The following CENPF variants were observed in gnomAD, a reference collection of about 807,000 sequenced individuals.
CENPF encodes the protein AH antigen.
A neutral mutation model predicts 307.3 loss-of-function variants in CENPF; 214 were observed. The observed-to-expected ratio is 0.70, with a 90% CI of 0.62 to 0.78. The LOEUF (loss-of-function observed/expected upper bound fraction) is 0.78, where lower values mean the gene tolerates loss of function less well. Among genes scored for constraint, CENPF ranks in the 30% least tolerant of loss-of-function variants. The pLI is 0.00. For missense variants in CENPF, 3,401 were observed against 3,483.9 expected, an observed-to-expected ratio of 0.98 and a Z score of 0.60; for synonymous variants, 1,259 against 1,270.6, an observed-to-expected ratio of 0.99 and a Z score of 0.19.
intron 7 of CENPF, among the ~76,000 whole-genome samples, chr1:214,624,051 A>T (rs548464142): frequency 6.6e-6 from 1 of 152,324 alleles, no homozygotes; most frequent in East Asian, 1.9e-4. Context: ...TGTACAAAAT[A>T]ATAGCTTGTT....
chr1:214,638,841 G>T (rs1658030377), intron 11 of CENPF, among the ~76,000 whole-genome samples: 1 of 152,180 alleles, frequency 6.6e-6, no homozygotes, highest in East Asian at 1.9e-4. Flanking sequence ...ATCTTCCCAA[G>T]ACAGCTTTTA....
Position 214,651,838 on chromosome 1 carries a change from T to C in CENPF, c.8112T>C (p.His2704=). ...TAGCTGAATATCAGCTACGGCTTCA[T>C]GAAGCTGAAAAGAAACACCAGGCTT... ...EEIAEYQLRL[H]EAEKKHQALL... The change falls in exon 15 of 20, where the codon CAT becomes CAC. Residue 2704 remains histidine (H), a synonymous_variant. Transcript: ENST00000366955. 2.5e-6 allele frequency: 4 copies of C among 1,610,916 alleles called. No individual in the cohort carries two copies. Among genetic ancestry groups the C allele is most frequent in the Non-Finnish European group, 2.5e-6 (3 of 1,179,300 alleles).
In CENPF at chr1:214,642,354, T is replaced by A. The variant is rs754500788; in HGVS notation, c.4016T>A (p.Val1339Glu). 21 of 1,612,964 alleles carry A rather than the reference T, an allele frequency of 1.3e-5. No homozygotes were observed. The highest frequency in any genetic ancestry group is 1.8e-5 in the Non-Finnish European group (21 of 1,179,654). Residue 1339 changes from valine to glutamate, a missense_variant, in exon 12 of 20, where the codon GTA (valine) becomes GAA (glutamate). Transcript: ENST00000366955. Reference protein sequence around the residue: ...ITATRKMAEEVGKLLNEVKIL... With the variant: ...ITATRKMAEEEGKLLNEVKIL... ...GCAACTAGGAAAATGGCAGAAGAGG[T>A]AGGGAAACTACTAAATGAAGTTAAA...
At chr1:214,621,161 G>T (rs1294215779) in intron 6 of CENPF, among the ~76,000 whole-genome samples, 2 of 152,196 alleles carry the variant, frequency 1.3e-5, no homozygotes, top group Admixed American at 6.5e-5. Flanking sequence ...TGAAAAGCTG[G>T]TGCCTGGAAG....
chr1:214,658,676 T>A (rs981871623), intron 18 of CENPF, among the ~76,000 whole-genome samples, 174 bp from the exon 19 acceptor site: 2 of 152,194 alleles, frequency 1.3e-5, no homozygotes, highest in Non-Finnish European at 2.9e-5. Context: ...GTTATTTGAT[T>A]CAATTTGGTG....
Position 214,632,549 on chromosome 1 carries a change from C to G in CENPF, c.1393C>G (p.Gln465Glu), listed in dbSNP as rs1375195812. 1 of 1,614,060 alleles carries G rather than the reference C, an allele frequency of 6.2e-7. No homozygotes were observed. The highest frequency in any genetic ancestry group is 1.1e-5 in the South Asian group (1 of 91,084). Residue 465 changes from glutamine to glutamate, a missense_variant, in exon 10 of 20, where the codon CAG (glutamine) becomes GAG (glutamate). Physicochemically the swap from Gln to Glu is conservative, Grantham distance 29. Transcript: ENST00000366955. The stretch of plus-strand genomic sequence containing the variant: ...TAAGCAAAAGTTGTGCAGAGCTGAA[C>G]AGGCGTTCCAGGCGAGTCAGATCAA... ...EFKQKLCRAEQAFQASQIKEN... is the reference protein window; with the variant it reads ...EFKQKLCRAEEAFQASQIKEN...
chr1:214,646,202 A>G lies in CENPF; in HGVS notation c.6632A>G (p.Glu2211Gly). 1 of 1,613,362 alleles carries G rather than the reference A, an allele frequency of 6.2e-7. No homozygotes were observed. Among genetic ancestry groups the G allele is most frequent in the Non-Finnish European group, 8.5e-7 (1 of 1,179,874 alleles). ...FELDLVTLRS[E>G]KENLTKQIQE... ...TTAGACCTTGTCACGTTAAGGTCTG[A>G]AAAAGAAAATCTGACAAAACAAATA... Residue 2211 changes from glutamate to glycine, a missense_variant, in exon 13 of 20, where the codon GAA becomes GGA. Transcript: ENST00000366955.
At chr1:214,653,574 C>A (rs1571726662) in intron 16 of CENPF, 1 of 154,128 alleles carries the variant, frequency 6.5e-6, no homozygotes, top group East Asian at 1.9e-4. Context: ...GTTTTCATTC[C>A]TACAGATATT....
rs1340017921 is a variant in CENPF at position 214,632,511 on chromosome 1, A to G, written c.1355A>G (p.Asn452Ser). 9 of 1,613,936 alleles carry G rather than the reference A, an allele frequency of 5.6e-6. No homozygotes were observed. Among genetic ancestry groups the G allele is most frequent in the South Asian group, 4.4e-5 (4 of 91,058 alleles). Reference protein sequence around the residue: ...LTSVKQQLENNLEEFKQKLCR... With the variant: ...LTSVKQQLENSLEEFKQKLCR... The stretch of plus-strand genomic sequence containing the variant: ...TCAGTAAAGCAACAGCTAGAAAACA[A>G]TTTGGAAGAGTTTAAGCAAAAGTTG... Residue 452 changes from asparagine to serine, a missense_variant, in exon 10 of 20, where the codon AAT (asparagine) becomes AGT (serine). Physicochemically the swap from Asn to Ser is conservative, Grantham distance 46. Transcript: ENST00000366955.
intron 11 of CENPF, 114 bp from the exon 12 acceptor site, chr1:214,639,807 T>G: frequency 1.8e-6 from 1 of 546,454 alleles, no homozygotes; most frequent in Non-Finnish European, 3.0e-6. Context: ...TTTCCAGGGC[T>G]TGAGTAGTTG....
At chr1:214,608,591 C>T in intron 1 of CENPF, 1 of 1,609,302 alleles carries the variant, frequency 6.2e-7, no homozygotes, top group South Asian at 1.1e-5. Flanking sequence ...TCAATGGTGT[C>T]CAGCTCGCGC....
In CENPF at chr1:214,658,334, C is replaced by T. The variant is rs141694779; in HGVS notation, c.8963-516C>T. Among the ~76,000 whole-genome samples, 181 of 152,274 alleles carry T rather than the reference C, an allele frequency of 1.2e-3. 2 individuals are homozygous for T. The East Asian group carries it at 0.031, about 26-fold the overall frequency. On this transcript the variant is annotated intron_variant, in intron 18 of 19. Transcript: ENST00000366955. ...CACTTCCTTCTGTGGAAAGAGACAA[C>T]GTGAGTGAGTGTGAAATCACCTTTA...
At chr1:214,654,812 C>G (rs966057014) in intron 16 of CENPF, among the ~76,000 whole-genome samples, 3 of 152,150 alleles carry the variant, frequency 2.0e-5, no homozygotes, top group Admixed American at 2.0e-4. Context: ...TTGGCCTTCA[C>G]TTGGTATGGC....
rs767226295 is a variant in CENPF at position 214,652,998 on chromosome 1, A to G, written c.8322+9A>G. ...AATTGAAGAAAACCAAGGTATGTTC[A>G]CTTTAATTTGCTTCATGATTTCGAA... On this transcript the variant is annotated intron_variant, in intron 16 of 19. Transcript: ENST00000366955. 2 of 1,598,062 alleles carry G rather than the reference A, an allele frequency of 1.3e-6. No individual in the cohort carries two copies. The highest frequency in any genetic ancestry group is 1.7e-6 in the Non-Finnish European group (2 of 1,170,452).
At chr1:214,660,918 A>T (rs558499454) in intron 19 of CENPF, among the ~76,000 whole-genome samples, 9 of 152,202 alleles carry the variant, frequency 5.9e-5, no homozygotes, top group Non-Finnish European at 1.2e-4. Context: ...GAATGAATGG[A>T]ACTGTGAATG....
intron 7 of CENPF, among the ~76,000 whole-genome samples, chr1:214,626,550 C>A (rs1451208792): frequency 6.6e-6 from 1 of 152,176 alleles, no homozygotes; most frequent in East Asian, 1.9e-4. Flanking sequence ...CATTTAATAT[C>A]CTCATGCAGT....
rs140952090 is a variant in CENPF at position 214,642,693 on chromosome 1, A to G, written c.4355A>G (p.Asn1452Ser). 846 of 1,614,040 alleles carry G rather than the reference A, an allele frequency of 5.2e-4. No individual in the cohort carries two copies. The highest frequency in any genetic ancestry group is 6.7e-4 in the Non-Finnish European group (795 of 1,180,038). ...GCCGAAAATTTGGTCTTGTCAACGAATCTGAGAAACTTTCAAGGTGACTTG... is the reference window on the plus strand; with the variant it reads ...GCCGAAAATTTGGTCTTGTCAACGAGTCTGAGAAACTTTCAAGGTGACTTG... ...LKAENLVLST[N>S]LRNFQGDLVK... The change falls in exon 12 of 20, where the codon AAT (asparagine) becomes AGT (serine). Residue 1452 changes from asparagine (N) to serine (S), a missense_variant. Coordinates refer to ENST00000366955, the MANE Select transcript of CENPF (RefSeq NM_016343.4).
chr1:214,663,276 A>G (rs570015145), intron 19 of CENPF, among the ~76,000 whole-genome samples: 3 of 152,312 alleles, frequency 2.0e-5, no homozygotes, highest in Non-Finnish European at 4.4e-5. Context: ...CAGGTTTTTC[A>G]CTTAGGAATT....
chr1:214,614,319 G>A, intron 2 of CENPF, among the ~76,000 whole-genome samples: 1 of 152,254 alleles, frequency 6.6e-6, no homozygotes, highest in East Asian at 1.9e-4. Flanking sequence ...GCATTTTGCA[G>A]TTAAATGGTT....
Sources: allele counts gnomAD v4.1 joint callset (sites outside exome capture counted in the v4.1 genomes callset), GRCh38; gene constraint gnomAD v4.1.1; transcripts MANE v1.5; gene names NCBI Gene and HGNC (gene_info 2026-07-23, HGNC 2026-07-21).